CDKAL1: variants seen among roughly 807,000 people sequenced by gnomAD.
CDKAL1 encodes threonylcarbamoyladenosine tRNA methylthiotransferase.
A neutral mutation model predicts 68.2 loss-of-function variants in CDKAL1; 32 were observed. The observed-to-expected ratio is 0.47, with a 90% CI of 0.35 to 0.63. CDKAL1 has a LOEUF of 0.63. Among genes scored for constraint, CDKAL1 ranks in the 30% least tolerant of loss-of-function variants. The probability of loss-of-function intolerance (pLI) is 0.00; values close to 1 mark genes in which losing one functional copy is unlikely to be tolerated. For synonymous variants in CDKAL1, 234 were observed against 244.3 expected, an observed-to-expected ratio of 0.96 and a Z score of 0.39; for missense variants, 606 against 696.7, an observed-to-expected ratio of 0.87 and a Z score of 1.47.
chr6:21,046,437 C>T (rs747100364), intron 11 of CDKAL1, among the ~76,000 whole-genome samples: 3 of 152,164 alleles, frequency 2.0e-5, no homozygotes, highest in Non-Finnish European at 4.4e-5. Context: ...CCCTTGGAGC[C>T]GCTGTTGTGG....
At chr6:20,587,953 C>T (rs1055364586) in intron 4 of CDKAL1, among the ~76,000 whole-genome samples, 2 of 151,810 alleles carry the variant, frequency 1.3e-5, no homozygotes, top group Non-Finnish European at 1.5e-5. Context: ...AAAATTTAGC[C>T]AGGCATGGTG....
intron 7 of CDKAL1, among the ~76,000 whole-genome samples, chr6:20,769,037 G>A (rs1339643458): frequency 6.6e-6 from 1 of 152,060 alleles, no homozygotes; most frequent in African/African-American, 2.4e-5. Context: ...CAGGCGTCCT[G>A]AGGTGGAAAA....
chr6:20,958,298 T>G (rs915821096), intron 10 of CDKAL1, among the ~76,000 whole-genome samples: 1 of 152,222 alleles, frequency 6.6e-6, no homozygotes, highest in African/African-American at 2.4e-5. Flanking sequence ...CTTTGTTTCC[T>G]GGACCAGACC....
intron 13 of CDKAL1, among the ~76,000 whole-genome samples, chr6:21,168,797 T>A (rs936188963): frequency 1.3e-5 from 2 of 152,238 alleles, no homozygotes; most frequent in African/African-American, 4.8e-5. Context: ...AACAGAGCTT[T>A]GATATTTTTC....
chr6:20,557,045 AAAAAAAAATAAATAAATAAAT>A (rs754145075), intron 4 of CDKAL1, among the ~76,000 whole-genome samples: 1 of 113,362 alleles, frequency 8.8e-6, no homozygotes, highest in Non-Finnish European at 1.7e-5. Flanking sequence ...CCATCTCAAA[AAAAAAAAATAAATAAATAAAT>A]AAATAAATAA....
intron 2 of CDKAL1, among the ~76,000 whole-genome samples, chr6:20,538,047 AT>A (rs956308328): frequency 2.0e-5 from 3 of 152,326 alleles, no homozygotes; most frequent in African/African-American, 7.2e-5. Context: ...TCCAAATGAA[AT>A]TGCTGGCTCG....
chr6:20,766,916 C>G (rs1025802894), intron 7 of CDKAL1, among the ~76,000 whole-genome samples: 1 of 151,968 alleles, frequency 6.6e-6, no homozygotes, highest in African/African-American at 2.4e-5. Flanking sequence ...AAGAAAAATA[C>G]CAAGTAGATC....
At chr6:20,542,619 C>T (rs1377880321) in intron 2 of CDKAL1, among the ~76,000 whole-genome samples, 2 of 151,994 alleles carry the variant, frequency 1.3e-5, no homozygotes, top group Admixed American at 6.6e-5. Flanking sequence ...ACATAATTAC[C>T]GCTTTACCTG....
chr6:20,993,220 A>C (rs1317352526), intron 10 of CDKAL1, among the ~76,000 whole-genome samples: 2 of 152,160 alleles, frequency 1.3e-5, no homozygotes, highest in Non-Finnish European at 2.9e-5. Context: ...AAAAAATGTT[A>C]ATTGTATATT....
intron 11 of CDKAL1, among the ~76,000 whole-genome samples, chr6:21,061,126 A>G (rs1022575550): frequency 3.3e-5 from 5 of 152,176 alleles, no homozygotes; most frequent in Admixed American, 6.5e-5. Context: ...GCTTTCTTAA[A>G]TTACAGGCTA....
intron 4 of CDKAL1, among the ~76,000 whole-genome samples, chr6:20,596,144 A>G (rs1442915286): frequency 1.3e-5 from 2 of 152,158 alleles, no homozygotes; most frequent in African/African-American, 4.8e-5. Context: ...AGGATCAGGG[A>G]CCCACTTGAG....
intron 12 of CDKAL1, among the ~76,000 whole-genome samples, chr6:21,081,671 A>G (rs1772412327): frequency 6.6e-6 from 1 of 151,056 alleles, no homozygotes; most frequent in South Asian, 2.1e-4. Flanking sequence ...TCCTAGGTTC[A>G]AGCAATTCTC....
Position 20,879,040 on chromosome 6 carries a change from T to C in CDKAL1, c.742+32862T>C, listed in dbSNP as rs182225162. The stretch of plus-strand genomic sequence containing the variant: ...GTTGCAGTGAGCCGAGATCGCACCA[T>C]TGCACTCCAGCCTGGGTGACAGAGC... On this transcript the variant is annotated intron_variant, in intron 9 of 15. Transcript: ENST00000274695. Among the ~76,000 whole-genome samples, 771 of 143,176 alleles carry C rather than the reference T, an allele frequency of 5.4e-3. 6 individuals carry two copies. The highest frequency in any genetic ancestry group is 0.019 in the African/African-American group (739 of 38,738). The allele number at this position is 143,176 out of a possible 152,430, so 93.9% of individuals were successfully genotyped here.
At chr6:20,881,679 T>C (rs1760828395) in intron 9 of CDKAL1, among the ~76,000 whole-genome samples, 1 of 152,210 alleles carries the variant, frequency 6.6e-6, no homozygotes, top group Admixed American at 6.5e-5. Context: ...TGGCTGTCTG[T>C]GAAATGTCTT....
At chr6:21,073,757 T>C (rs1212130608) in intron 12 of CDKAL1, among the ~76,000 whole-genome samples, 1 of 152,222 alleles carries the variant, frequency 6.6e-6, no homozygotes, top group Non-Finnish European at 1.5e-5. Flanking sequence ...AATTCATTAT[T>C]AGATGTGTGC....
intron 9 of CDKAL1, among the ~76,000 whole-genome samples, chr6:20,886,809 T>G (rs1391554046): frequency 2.6e-5 from 4 of 152,130 alleles, no homozygotes; most frequent in Non-Finnish European, 4.4e-5. Flanking sequence ...GCTTTGGAAA[T>G]GGTGGTGATA....
intron 11 of CDKAL1, among the ~76,000 whole-genome samples, chr6:21,059,187 GC>G (rs1771002548): frequency 6.6e-6 from 1 of 152,178 alleles, no homozygotes; most frequent in Admixed American, 6.5e-5. Context: ...AAGCAGTCTG[GC>G]CATGATCTGC....
chr6:21,160,802 C>T (rs1287342791), intron 13 of CDKAL1, among the ~76,000 whole-genome samples: 2 of 151,352 alleles, frequency 1.3e-5, no homozygotes, highest in African/African-American at 4.9e-5. Context: ...CTGCACCTGT[C>T]AACCCGTCAT....
chr6:21,144,321 A>G (rs988351761), intron 13 of CDKAL1, among the ~76,000 whole-genome samples: 1 of 152,174 alleles, frequency 6.6e-6, no homozygotes, highest in African/African-American at 2.4e-5. Context: ...TAGACATGCA[A>G]ATGTTATATT....
Sources: gnomAD v4.1 joint callset for allele counts (sites outside exome capture counted in the v4.1 genomes callset) on GRCh38, gnomAD v4.1.1 for gene constraint, MANE v1.5 for transcripts, NCBI Gene and HGNC (gene_info 2026-07-23, HGNC 2026-07-21) for gene names.